MAML2: variants seen among roughly 807,000 people sequenced by gnomAD.
The protein encoded by MAML2 is mastermind-like protein 2.
In MAML2, 22 loss-of-function variants were observed where a neutral mutation model predicts 96.1. That is an observed-to-expected ratio of 0.23 (90% CI 0.16 to 0.33). The LOEUF is 0.33. Ranked by LOEUF, MAML2 falls within the 10% of genes least tolerant of loss-of-function variation. MAML2 has a pLI of 1.00. For synonymous variants in MAML2, 561 were observed against 521.3 expected (o/e 1.08, Z -1.04); for missense variants, 1,367 against 1,392.4 (o/e 0.98, Z 0.29).
At chr11:96,109,604 G>A (rs1433346986) in intron 1 of MAML2, among the ~76,000 whole-genome samples, 1 of 152,166 alleles carries the variant, frequency 6.6e-6, no homozygotes, top group Non-Finnish European at 1.5e-5. Context: ...AACAGAGAGA[G>A]AGGAATTAGG....
chr11:96,016,929 A>G (rs945724988), intron 2 of MAML2, among the ~76,000 whole-genome samples: 10 of 152,216 alleles, frequency 6.6e-5, no homozygotes, highest in South Asian at 2.1e-4. Context: ...AAATGTTGCT[A>G]GTAACCCTTT....
At chr11:96,257,950 G>A (rs913426811) in intron 1 of MAML2, among the ~76,000 whole-genome samples, 2 of 134,254 alleles carry the variant, frequency 1.5e-5, no homozygotes, top group African/African-American at 4.9e-5. Context: ...TCCTGTCTCT[G>A]ATAAAATGCC....
rs1857675375 is a variant in MAML2 at position 95,978,100 on chromosome 11, G to T, written c.*848C>A. Reference sequence around the variant, plus strand: ...TAATAAGCAACATCCCAGGTTATTTGTAGCCAAATAAATCTTATTTATAGC... The same window carrying T: ...TAATAAGCAACATCCCAGGTTATTTTTAGCCAAATAAATCTTATTTATAGC... On this transcript the variant is annotated 3_prime_UTR_variant, in exon 5 of 5. Transcript: ENST00000524717. 1 of 216,268 alleles carries T rather than the reference G, an allele frequency of 4.6e-6. No individual in the cohort carries two copies. Among genetic ancestry groups the T allele is most frequent in the Non-Finnish European group, 9.3e-6 (1 of 107,420 alleles). 13.4% of individuals were successfully genotyped at this position (216,268 alleles called of 1,614,324 possible).
chr11:96,074,746 AGTT>A (rs1859407199), intron 2 of MAML2, among the ~76,000 whole-genome samples: 1 of 152,202 alleles, frequency 6.6e-6, no homozygotes, highest in Admixed American at 6.5e-5. Context: ...CCAGAATAAA[AGTT>A]AGATTCCTGT....
intron 2 of MAML2, among the ~76,000 whole-genome samples, chr11:96,031,911 G>T (rs1011850967): frequency 5.3e-5 from 8 of 151,932 alleles, no homozygotes; most frequent in African/African-American, 1.7e-4. Flanking sequence ...GCGTGAACCC[G>T]GGAGGCAGAG....
At chr11:96,000,603 T>C (rs1191133927) in intron 2 of MAML2, among the ~76,000 whole-genome samples, 1 of 152,234 alleles carries the variant, frequency 6.6e-6, no homozygotes, top group African/African-American at 2.4e-5. Context: ...TTGAGATAAC[T>C]GGCAAGTTGA....
At chr11:96,166,124 C>T (rs12164831) in intron 1 of MAML2, among the ~76,000 whole-genome samples, 7 of 150,128 alleles carry the variant, frequency 4.7e-5, no homozygotes, top group Admixed American at 2.7e-4. Flanking sequence ...TCCTCTCTGT[C>T]TCTCTTTCTC....
intron 1 of MAML2, among the ~76,000 whole-genome samples, chr11:96,242,425 G>A (rs1167210907): frequency 2.6e-5 from 4 of 152,154 alleles, no homozygotes; most frequent in African/African-American, 9.7e-5. Flanking sequence ...GGTGAGGGTG[G>A]ATTTTAGTGA....
intron 1 of MAML2, among the ~76,000 whole-genome samples, chr11:96,215,616 C>T (rs1862037623): frequency 6.6e-6 from 1 of 152,074 alleles, no homozygotes; most frequent in African/African-American, 2.4e-5. Flanking sequence ...AGACCGACCT[C>T]ATGAGCAGTT....
chr11:96,001,784 G>GT (rs1219754132), intron 2 of MAML2, among the ~76,000 whole-genome samples: 1 of 152,106 alleles, frequency 6.6e-6, no homozygotes, highest in African/African-American at 2.4e-5. Context: ...CCCAAGAATG[G>GT]TATAAAAGGC....
intron 1 of MAML2, among the ~76,000 whole-genome samples, chr11:96,151,570 A>G (rs1276017646): frequency 6.6e-6 from 1 of 152,194 alleles, no homozygotes; most frequent in Non-Finnish European, 1.5e-5. Flanking sequence ...ATGCTCCTTC[A>G]TGAATGGTTT....
rs529252464 is a variant in MAML2 at position 96,100,748 on chromosome 11, CT to C, written c.514-7232del. Among the ~76,000 whole-genome samples, 457 of 109,264 alleles carry C rather than the reference CT, an allele frequency of 4.2e-3. 2 individuals are homozygous for C. The highest frequency in any genetic ancestry group is 0.013 in the African/African-American group (380 of 29,758). The allele number at this position is 109,264 out of a possible 152,430, so 71.7% of individuals were successfully genotyped here. A position where few individuals can be genotyped will look rare whatever the true frequency, so the allele number is the denominator to read the frequency against. On this transcript the variant is annotated intron_variant, in intron 1 of 4. Transcript: ENST00000524717. ...TAGTCAAAATAGCTTTTTTTTTTTTCTTTTTTTTTTTTTCTGAAACAGGATC... is the reference window on the plus strand; with the variant it reads ...TAGTCAAAATAGCTTTTTTTTTTTTCTTTTTTTTTTTTCTGAAACAGGATC...
chr11:96,054,263 T>C (rs1859029887), intron 2 of MAML2, among the ~76,000 whole-genome samples: 1 of 152,218 alleles, frequency 6.6e-6, no homozygotes, highest in Admixed American at 6.5e-5. Flanking sequence ...GGGAATGCTG[T>C]TTATGGATAT....
intron 2 of MAML2, among the ~76,000 whole-genome samples, chr11:96,005,569 C>T (rs1217668705): frequency 6.6e-6 from 1 of 151,986 alleles, no homozygotes; most frequent in Non-Finnish European, 1.5e-5. Context: ...CTATAATGAA[C>T]AAATAATAGA....
At chr11:96,136,456 C>T (rs957692941) in intron 1 of MAML2, among the ~76,000 whole-genome samples, 6 of 152,062 alleles carry the variant, frequency 3.9e-5, no homozygotes, top group African/African-American at 1.4e-4. Context: ...GGAAAGAAAA[C>T]CCCACCATGA....
chr11:95,986,555 T>C (rs964689045), intron 3 of MAML2, among the ~76,000 whole-genome samples: 3 of 152,130 alleles, frequency 2.0e-5, no homozygotes, highest in Non-Finnish European at 4.4e-5. Flanking sequence ...TGTCAGGAGA[T>C]AACCAACAGG....
chr11:96,266,008 C>A (rs976504386), intron 1 of MAML2, among the ~76,000 whole-genome samples: 4 of 152,174 alleles, frequency 2.6e-5, no homozygotes, highest in African/African-American at 9.7e-5. Context: ...ACACAAGCTG[C>A]CTTTGGATGG....
intron 2 of MAML2, among the ~76,000 whole-genome samples, chr11:96,082,119 A>G (rs982246472): frequency 6.6e-6 from 1 of 151,984 alleles, no homozygotes. Context: ...TCAATTACAT[A>G]CAGACATGGT....
chr11:96,086,290 A>G (rs368533033), intron 2 of MAML2, among the ~76,000 whole-genome samples: 1 of 152,372 alleles, frequency 6.6e-6, no homozygotes, highest in South Asian at 2.1e-4. Flanking sequence ...GGCAAGAATT[A>G]TGGTTTCATC....
Sources: gnomAD v4.1 joint callset for allele counts (sites outside exome capture counted in the v4.1 genomes callset) on GRCh38, gnomAD v4.1.1 for gene constraint, MANE v1.5 for transcripts, NCBI Gene and HGNC (gene_info 2026-07-23, HGNC 2026-07-21) for gene names.